LYPLAL1: variants seen among roughly 807,000 people sequenced by gnomAD.
LYPLAL1 encodes lysophospholipase like 1.
A neutral mutation model predicts 19.7 loss-of-function variants in LYPLAL1; 23 were observed. The ratio of observed to expected loss-of-function variants is 1.17; its 90% CI spans 0.84 to 1.65. LYPLAL1 has a LOEUF of 1.65. Ranked by LOEUF, LYPLAL1 falls within the 40% of genes most tolerant of loss-of-function variation. LYPLAL1 has a pLI of 0.00. For synonymous variants in LYPLAL1, 119 were observed against 96.3 expected (o/e 1.24, Z -1.38); for missense variants, 355 against 279.4 (o/e 1.27, Z -1.93).
chr1:219,286,551 A>G, the LYPLAL1 span, among the ~76,000 whole-genome samples: 1 of 152,192 alleles, frequency 6.6e-6, no homozygotes, highest in African/African-American at 2.4e-5. Context: ...TGTAAAATGC[A>G]TTCTAGCAAA....
At chr1:219,432,920 T>G in the LYPLAL1 span, among the ~76,000 whole-genome samples, 3 of 152,110 alleles carry the variant, frequency 2.0e-5, no homozygotes, top group Non-Finnish European at 4.4e-5. Context: ...ACAGGTTCCA[T>G]GAAATGGTGG....
the LYPLAL1 span, among the ~76,000 whole-genome samples, chr1:219,296,849 T>G: frequency 6.6e-6 from 1 of 152,112 alleles, no homozygotes; most frequent in Non-Finnish European, 1.5e-5. Flanking sequence ...TTATAACTAT[T>G]TTTTTACCCC....
At chr1:219,347,689 A>AT in the LYPLAL1 span, among the ~76,000 whole-genome samples, 1 of 152,232 alleles carries the variant, frequency 6.6e-6, no homozygotes, top group African/African-American at 2.4e-5. Context: ...GGCTAGAATG[A>AT]TTCAAATAAC....
chr1:219,435,882 C>T, the LYPLAL1 span, among the ~76,000 whole-genome samples: 1 of 152,070 alleles, frequency 6.6e-6, no homozygotes, highest in African/African-American at 2.4e-5. Flanking sequence ...ATCCCACATT[C>T]ATTTAAAGCA....
chr1:219,389,659 C>T, the LYPLAL1 span, among the ~76,000 whole-genome samples: 1 of 152,148 alleles, frequency 6.6e-6, no homozygotes, highest in African/African-American at 2.4e-5. Context: ...TCATCATTAG[C>T]TAGATTAATA....
At chr1:219,220,262 A>T in the LYPLAL1 span, among the ~76,000 whole-genome samples, 2 of 152,126 alleles carry the variant, frequency 1.3e-5, no homozygotes. Flanking sequence ...GTACTCAACC[A>T]ATTAGCCATT....
At chr1:219,373,863 CAA>C in the LYPLAL1 span, among the ~76,000 whole-genome samples, 46,261 of 102,676 alleles carry the variant, frequency 0.45, 8,219 homozygotes, top group East Asian at 0.66. Flanking sequence ...ATAAAATTGT[CAA>C]AAAAAAAAAA....
intron 3 of LYPLAL1, chr1:219,200,396 C>T (rs1016313740): frequency 5.2e-6 from 1 of 192,724 alleles, no homozygotes; most frequent in African/African-American, 2.3e-5. Flanking sequence ...ATGCCCACCA[C>T]TTATTAGCAC....
At chr1:219,351,574 C>A in the LYPLAL1 span, among the ~76,000 whole-genome samples, 2 of 151,710 alleles carry the variant, frequency 1.3e-5, no homozygotes, top group African/African-American at 2.4e-5. Flanking sequence ...TTCACTTTAT[C>A]CCCAGCCTAT....
At chr1:219,286,909 T>G in the LYPLAL1 span, among the ~76,000 whole-genome samples, 4 of 152,226 alleles carry the variant, frequency 2.6e-5, no homozygotes, top group Admixed American at 2.6e-4. Flanking sequence ...ATTCACATTT[T>G]TACTTCTTCC....
intron 2 of LYPLAL1, among the ~76,000 whole-genome samples, chr1:219,181,219 C>T (rs937815409): frequency 2.8e-4 from 43 of 152,066 alleles, no homozygotes; most frequent in Middle Eastern, 3.4e-3. Flanking sequence ...TTTACATGTA[C>T]GACACATCTT....
the LYPLAL1 span, among the ~76,000 whole-genome samples, chr1:219,412,663 T>C: frequency 6.6e-6 from 1 of 152,196 alleles, no homozygotes; most frequent in Non-Finnish European, 1.5e-5. Flanking sequence ...CACATTCATA[T>C]AGAACCTCCT....
At chr1:219,444,961 C>A in the LYPLAL1 span, among the ~76,000 whole-genome samples, 1 of 151,706 alleles carries the variant, frequency 6.6e-6, no homozygotes, top group African/African-American at 2.4e-5. Flanking sequence ...TGTTAAAAGT[C>A]CAAAATGTGC....
At chr1:219,324,071 T>C in the LYPLAL1 span, among the ~76,000 whole-genome samples, 1 of 152,324 alleles carries the variant, frequency 6.6e-6, no homozygotes, top group South Asian at 2.1e-4. Context: ...ATGGTGGTTC[T>C]TTCTTACCCA....
At chr1:219,358,415 A>G in the LYPLAL1 span, among the ~76,000 whole-genome samples, 1 of 152,230 alleles carries the variant, frequency 6.6e-6, no homozygotes, top group Non-Finnish European at 1.5e-5. Context: ...ATACTATTTA[A>G]GTGAAATAAC....
the LYPLAL1 span, among the ~76,000 whole-genome samples, chr1:219,430,096 C>A: frequency 1.3e-5 from 2 of 152,072 alleles, no homozygotes; most frequent in African/African-American, 2.4e-5. Flanking sequence ...GAGTATGAGA[C>A]TAGCCTGGGC....
chr1:219,246,698 C>T, the LYPLAL1 span, among the ~76,000 whole-genome samples: 1 of 152,290 alleles, frequency 6.6e-6, no homozygotes, highest in African/African-American at 2.4e-5. Context: ...GTGATCCTCC[C>T]ACCTCAGCCT....
the LYPLAL1 span, among the ~76,000 whole-genome samples, chr1:219,404,388 T>C: frequency 6.6e-6 from 1 of 152,222 alleles, no homozygotes; most frequent in African/African-American, 2.4e-5. Flanking sequence ...TCTAGTCCTT[T>C]CAATTATGTC....
At chr1:219,419,594 C>CACACACACACACAGAGAGAGAG in the LYPLAL1 span, among the ~76,000 whole-genome samples, 26 of 99,598 alleles carry the variant, frequency 2.6e-4, no homozygotes, top group African/African-American at 3.6e-4. Context: ...CACACACACA[C>CACACACACACACAGAGAGAGAG]AGAGAGAGAG....
Sources: allele counts gnomAD v4.1 joint callset (sites outside exome capture counted in the v4.1 genomes callset), GRCh38; gene constraint gnomAD v4.1.1; transcripts MANE v1.5; gene names NCBI Gene and HGNC (gene_info 2026-07-23, HGNC 2026-07-21).